The following THSD7B variants were observed in gnomAD, a reference collection of about 807,000 sequenced individuals.
THSD7B encodes the protein thrombospondin type-1 domain-containing protein 7B.
Under a neutral mutation model 213.6 loss-of-function variants are expected in THSD7B, and 138 were observed. The observed-to-expected ratio is 0.65, with a 90% CI of 0.56 to 0.74. The LOEUF is 0.74. Ranked by LOEUF, THSD7B falls within the 30% of genes least tolerant of loss-of-function variation. The pLI, the probability that THSD7B is intolerant of heterozygous loss-of-function variation, is 0.00. For missense variants in THSD7B, 1,931 were observed against 1,991.5 expected (o/e 0.97, Z 0.58); for synonymous variants, 742 against 687.0 (o/e 1.08, Z -1.25).
chr2:137,647,630 G>A (rs1261437903), intron 21 of THSD7B, among the ~76,000 whole-genome samples: 2 of 152,110 alleles, frequency 1.3e-5, no homozygotes, highest in Non-Finnish European at 2.9e-5. Flanking sequence ...GTACAGAGGA[G>A]TTAAGACTTC....
chr2:137,041,621 A>C (rs993514931), intron 2 of THSD7B, among the ~76,000 whole-genome samples: 2 of 149,622 alleles, frequency 1.3e-5, no homozygotes, highest in Non-Finnish European at 3.0e-5. Context: ...AATATATGTA[A>C]TATATTATGC....
At chr2:137,261,267 C>A (rs550071570) in intron 10 of THSD7B, among the ~76,000 whole-genome samples, 3 of 152,032 alleles carry the variant, frequency 2.0e-5, no homozygotes, top group Non-Finnish European at 4.4e-5. Flanking sequence ...GAAAAAACTT[C>A]TTGAAAGTGG....
At chr2:137,515,355 A>G (rs1453341443) in intron 15 of THSD7B, among the ~76,000 whole-genome samples, 1 of 152,170 alleles carries the variant, frequency 6.6e-6, no homozygotes, top group Admixed American at 6.5e-5. Flanking sequence ...GCCTGAGGCA[A>G]TAATGATGGC....
intron 1 of THSD7B, among the ~76,000 whole-genome samples, chr2:136,805,978 A>C (rs928960520): frequency 1.3e-5 from 2 of 152,176 alleles, no homozygotes; most frequent in African/African-American, 4.8e-5. Context: ...CCTATTTAGA[A>C]TATGCCATGT....
intron 14 of THSD7B, among the ~76,000 whole-genome samples, chr2:137,449,001 G>C (rs189908320): frequency 6.6e-6 from 1 of 152,244 alleles, no homozygotes; most frequent in Non-Finnish European, 1.5e-5. Flanking sequence ...TTTGTAAAGT[G>C]TGTTGACTTT....
At position 137,424,969 on chromosome 2, in the gene THSD7B, G is replaced by A. The variant is rs988261427; in HGVS notation, c.2959+13097G>A. On this transcript the variant is annotated intron_variant, in intron 14 of 27. Transcript: ENST00000409968. ...CACCTGTAGTCCCAGCTACTTGGGA[G>A]GCTGAGGCAGGAGAATGGCGTGAAC... Among the ~76,000 whole-genome samples, 3 of 151,648 alleles carry A rather than the reference G, an allele frequency of 2.0e-5. No individual in the cohort carries two copies. In the South Asian group the frequency reaches 6.3e-4, roughly 32 times the overall value.
chr2:137,634,849 C>A (rs963201784), intron 20 of THSD7B, among the ~76,000 whole-genome samples: 3 of 152,152 alleles, frequency 2.0e-5, no homozygotes, highest in Admixed American at 1.3e-4. Flanking sequence ...TTGACTACTG[C>A]CTAGTTCAGT....
At position 137,546,340 on chromosome 2, in the gene THSD7B, T is replaced by C. The variant is rs368732618; in HGVS notation, c.3139-16881T>C. On this transcript the variant is annotated intron_variant, in intron 15 of 27. Transcript: ENST00000409968. Reference sequence around the variant, plus strand: ...CATTTCTGTGTTCATGCATTCAGTATTGAAGTCAGCATATATATATATTAT... The same window carrying C: ...CATTTCTGTGTTCATGCATTCAGTACTGAAGTCAGCATATATATATATTAT... Among the ~76,000 whole-genome samples the C allele has an allele frequency of 4.5e-4, 45 of 100,342 alleles. No homozygotes were observed. In the South Asian group the frequency reaches 0.012, roughly 28 times the overall value. 65.8% of individuals were successfully genotyped at this position (100,342 alleles called of 152,430 possible).
chr2:137,526,832 G>C (rs1162431192), intron 15 of THSD7B, among the ~76,000 whole-genome samples: 1 of 152,092 alleles, frequency 6.6e-6, no homozygotes. Context: ...GCCTATAGAG[G>C]GGAGGTGTCT....
chr2:137,244,692 C>T (rs1304051027), intron 10 of THSD7B, among the ~76,000 whole-genome samples: 1 of 152,056 alleles, frequency 6.6e-6, no homozygotes, highest in Admixed American at 6.6e-5. Context: ...ATTCTTCAAG[C>T]CCAGATAATT....
chr2:136,958,613 A>T (rs938014081), intron 2 of THSD7B, among the ~76,000 whole-genome samples: 2 of 152,284 alleles, frequency 1.3e-5, no homozygotes, highest in Middle Eastern at 3.4e-3. Context: ...CACTATTTTG[A>T]GGGAATTGGG....
chr2:137,511,505 C>A (rs532540846), intron 15 of THSD7B, among the ~76,000 whole-genome samples: 4 of 152,160 alleles, frequency 2.6e-5, no homozygotes, highest in African/African-American at 7.2e-5. Context: ...GTTCCCTGGA[C>A]GTAAGTGGAA....
At chr2:136,978,154 CTGTT>C (rs1368859817) in intron 2 of THSD7B, among the ~76,000 whole-genome samples, 2 of 152,124 alleles carry the variant, frequency 1.3e-5, no homozygotes, top group Non-Finnish European at 2.9e-5. Context: ...GTCTAACAAA[CTGTT>C]TGTTATGATT....
At chr2:136,926,198 C>T (rs998425860) in intron 2 of THSD7B, among the ~76,000 whole-genome samples, 22 of 152,194 alleles carry the variant, frequency 1.4e-4, no homozygotes, top group Middle Eastern at 3.4e-3. Context: ...ATGGATTCCT[C>T]CTATGATTGT....
chr2:137,125,157 C>T (rs1470507333), intron 5 of THSD7B, among the ~76,000 whole-genome samples: 2 of 152,158 alleles, frequency 1.3e-5, no homozygotes. Flanking sequence ...TCAGAGTCTT[C>T]TCCACTGCTC....
rs776725012 is a variant in THSD7B at position 137,427,322 on chromosome 2, A to G, written c.2959+15450A>G. Among the ~76,000 whole-genome samples the G allele has an allele frequency of 3.9e-4, 59 of 152,100 alleles. 1 individual carries two copies. Among genetic ancestry groups the G allele is most frequent in the Non-Finnish European group, 7.5e-4 (51 of 67,978 alleles). ...TCCCCCTTCCAAAAAAATAAAATAA[A>G]ATCACTATCTCAAAGAGACGTCTGC... is the stretch of plus-strand genomic sequence containing the variant. On this transcript the variant is annotated intron_variant, in intron 14 of 27. Coordinates refer to ENST00000409968, the MANE Select transcript of THSD7B (RefSeq NM_001316349.2).
chr2:136,873,985 G>C (rs1380846014), intron 1 of THSD7B, among the ~76,000 whole-genome samples: 5 of 152,152 alleles, frequency 3.3e-5, no homozygotes, highest in Non-Finnish European at 5.9e-5. Flanking sequence ...AACACCCTTA[G>C]GGATCAATCT....
At chr2:137,474,730 A>G (rs974555045) in intron 15 of THSD7B, among the ~76,000 whole-genome samples, 15 of 151,798 alleles carry the variant, frequency 9.9e-5, no homozygotes, top group African/African-American at 3.6e-4. Flanking sequence ...ATTCTTAGTC[A>G]TTTATTTGTT....
chr2:137,264,519 A>C (rs1030636858), intron 10 of THSD7B, among the ~76,000 whole-genome samples: 3 of 152,128 alleles, frequency 2.0e-5, no homozygotes, highest in Non-Finnish European at 4.4e-5. Flanking sequence ...AAGTGTTGGA[A>C]TTACAGGCGT....
Sources: allele counts gnomAD v4.1 joint callset (sites outside exome capture counted in the v4.1 genomes callset), GRCh38; gene constraint gnomAD v4.1.1; transcripts MANE v1.5; gene names NCBI Gene and HGNC (gene_info 2026-07-23, HGNC 2026-07-21).